Variants in CREB3L1 observed in about 807,000 individuals in gnomAD.
The protein encoded by CREB3L1 is cAMP responsive element binding protein 3 like 1, also known as cyclic AMP-responsive element-binding protein 3-like protein 1.
A neutral mutation model predicts 54.5 loss-of-function variants in CREB3L1; 33 were observed. The observed-to-expected ratio is 0.61, with a 90% CI of 0.46 to 0.81. The LOEUF (loss-of-function observed/expected upper bound fraction) is 0.81. Ranked by LOEUF, CREB3L1 falls within the 30% of genes least tolerant of loss-of-function variation. CREB3L1 has a pLI of 0.00. For synonymous variants in CREB3L1, 284 were observed against 286.4 expected (o/e 0.99, Z 0.08); for missense variants, 656 against 673.3 (o/e 0.97, Z 0.29).
At chr11:46,318,757 CAGG>C (rs1248908371) in intron 10 of CREB3L1, among the ~76,000 whole-genome samples, 2 of 151,932 alleles carry the variant, frequency 1.3e-5, no homozygotes, top group Non-Finnish European at 2.9e-5. Flanking sequence ...TCTGGCAGGA[CAGG>C]AGGAGGAAGA....
At chr11:46,316,421 G>T in intron 9 of CREB3L1, 36 bp downstream of exon 9, 1 of 1,365,246 alleles carries the variant, frequency 7.3e-7, no homozygotes, top group East Asian at 2.5e-5. Context: ...ACCCACAGGA[G>T]GAGAGTTCTT....
intron 2 of CREB3L1, among the ~76,000 whole-genome samples, chr11:46,306,017 G>A (rs111942477): frequency 0.26 from 38,795 of 151,438 alleles, 5,072 homozygotes; most frequent in Middle Eastern, 0.36. Context: ...GATTACAGAC[G>A]TGAGCCACCG....
intron 2 of CREB3L1, among the ~76,000 whole-genome samples, chr11:46,304,847 A>C (rs1272088795): frequency 6.6e-6 from 1 of 152,028 alleles, no homozygotes; most frequent in Non-Finnish European, 1.5e-5. Context: ...ATGAGCCACC[A>C]CACCCAGCTC....
chr11:46,296,878 C>T lies in CREB3L1; in HGVS notation c.103-3057C>T, dbSNP rs1325928939. ...TGCTCACACAATGGGGCCAGCTGAG[C>T]TCTCTAAGCAGTTTCCTGTGGGCAC... On this transcript the variant is annotated intron_variant, in intron 1 of 11. Transcript: ENST00000621158. 2.6e-5 allele frequency among the ~76,000 whole-genome samples: 4 copies of T among 152,162 alleles called. 1 individual carries two copies. Among genetic ancestry groups the T allele is most frequent in the Admixed American group, 2.6e-4 (4 of 15,276 alleles).
At chr11:46,293,268 T>C (rs942607162) in intron 1 of CREB3L1, among the ~76,000 whole-genome samples, 3 of 152,200 alleles carry the variant, frequency 2.0e-5, no homozygotes, top group Non-Finnish European at 4.4e-5. Flanking sequence ...CGTGGGCTGC[T>C]GTGCCCTCGG....
Position 46,321,256 on chromosome 11 carries a change from C to A in CREB3L1, c.*510C>A. The A allele has an allele frequency of 3.4e-6, 1 of 297,684 alleles. No homozygotes were observed. Among genetic ancestry groups the A allele is most frequent in the Non-Finnish European group, 6.6e-6 (1 of 152,256 alleles). The allele number at this position is 297,684 out of a possible 1,614,324, so 18.4% of individuals were successfully genotyped here. ...TTTTATGAAGTTAGTGCGGGCTTTG[C>A]TGCTCCCTGGCCCAGGAAAGAGGGA... On this transcript the variant is annotated 3_prime_UTR_variant, in exon 12 of 12. Coordinates refer to ENST00000621158, the MANE Select transcript of CREB3L1 (RefSeq NM_052854.4).
intron 3 of CREB3L1, 65 bp downstream of exon 3, chr11:46,308,065 G>T (rs1939428839): frequency 7.3e-7 from 1 of 1,370,084 alleles, no homozygotes; most frequent in African/African-American, 1.5e-5. Context: ...TGTGGGAAGA[G>T]GTGCCCAAAG....
chr11:46,306,506 T>TA (rs61418557), intron 2 of CREB3L1, among the ~76,000 whole-genome samples: 5,857 of 126,722 alleles, frequency 0.046, 314 homozygotes, highest in African/African-American at 0.15. Flanking sequence ...CCTGTCTCAA[T>TA]AAAAAAAAAA....
rs889623733 is a variant in CREB3L1 at position 46,278,970 on chromosome 11, G to A, written c.102+757G>A. Among the ~76,000 whole-genome samples the A allele has an allele frequency of 6.6e-5, 10 of 152,066 alleles. No individual in the cohort carries two copies. The highest frequency in any genetic ancestry group is 6.5e-4 in the Admixed American group (10 of 15,274). ...TCTTCCCCTCCCTCCCTAAGGAAAC[G>A]TGGCTTCTCTCTCTTCTTCCCTCCC... On this transcript the variant is annotated intron_variant, in intron 1 of 11. Transcript: ENST00000621158. This position sits in a 1 kb window ranked among gnomAD's most constrained non-coding sequence, Gnocchi z 4.2.
At chr11:46,294,225 C>T (rs1009603362) in intron 1 of CREB3L1, among the ~76,000 whole-genome samples, 1 of 152,068 alleles carries the variant, frequency 6.6e-6, no homozygotes, top group African/African-American at 2.4e-5. Flanking sequence ...CTTCAGCAGC[C>T]GCCTTCCCTA....
At chr11:46,297,655 G>A (rs1939232865) in intron 1 of CREB3L1, among the ~76,000 whole-genome samples, 1 of 152,250 alleles carries the variant, frequency 6.6e-6, no homozygotes, top group Admixed American at 6.5e-5. Context: ...TGGGTTAAAA[G>A]CACAACAGAA....
Position 46,299,955 on chromosome 11 carries a change from C to A in CREB3L1, c.123C>A (p.Asp41Glu). The A allele has an allele frequency of 6.2e-7, 1 of 1,613,900 alleles. No individual in the cohort carries two copies. Among genetic ancestry groups the A allele is most frequent in the Non-Finnish European group, 8.5e-7 (1 of 1,179,796 alleles). The change falls in exon 2 of 12, where the codon GAC becomes GAA. Residue 41 changes from aspartate (D) to glutamate (E), a missense_variant. By Grantham distance (45) the Asp-to-Glu change is conservative. This residue lies in a region of CREB3L1 where 339 missense variants were observed against 331.5 expected (regional missense o/e 1.02). Transcript: ENST00000621158. Reference protein sequence around the residue: ...LNNAHFPEHLDHFTENMEDFS... With the variant: ...LNNAHFPEHLEHFTENMEDFS... The stretch of plus-strand genomic sequence containing the variant: ...CCTAGCACTTTCCTGAGCACCTGGA[C>A]CACTTTACGGAGAACATGGAGGACT...
At chr11:46,307,139 A>G (rs1472057991) in intron 2 of CREB3L1, among the ~76,000 whole-genome samples, 2 of 152,172 alleles carry the variant, frequency 1.3e-5, no homozygotes, top group African/African-American at 4.8e-5. Context: ...TTGGCCTGTC[A>G]AAGAACTGGA....
intron 4 of CREB3L1, among the ~76,000 whole-genome samples, chr11:46,310,303 T>C (rs1939464888): frequency 6.6e-6 from 1 of 152,070 alleles, no homozygotes; most frequent in Non-Finnish European, 1.5e-5. Context: ...AGTCTCACTC[T>C]GTCACCCAGG....
chr11:46,282,665 C>A (rs1031036004), intron 1 of CREB3L1, among the ~76,000 whole-genome samples: 1 of 152,138 alleles, frequency 6.6e-6, no homozygotes, highest in African/African-American at 2.4e-5. Flanking sequence ...AAGTGGGACC[C>A]CCCTGTTCTT....
intron 1 of CREB3L1, among the ~76,000 whole-genome samples, chr11:46,285,150 T>C (rs1187719190): frequency 6.6e-6 from 1 of 152,164 alleles, no homozygotes; most frequent in African/African-American, 2.4e-5. Context: ...CCCTGTTTTG[T>C]GTCTTCTCCC....
chr11:46,301,620 G>A (rs1044340083), intron 2 of CREB3L1, among the ~76,000 whole-genome samples: 28 of 150,562 alleles, frequency 1.9e-4, no homozygotes, highest in Non-Finnish European at 3.5e-4. Flanking sequence ...CCAAGATTGC[G>A]CCATTGCAAT....
chr11:46,289,287 G>A (rs1939100680), intron 1 of CREB3L1, among the ~76,000 whole-genome samples: 1 of 152,170 alleles, frequency 6.6e-6, no homozygotes, highest in African/African-American at 2.4e-5. Context: ...GCTGAGGCAG[G>A]AGAATCACTT....
chr11:46,287,614 G>C (rs1213398593), intron 1 of CREB3L1, among the ~76,000 whole-genome samples: 2 of 151,996 alleles, frequency 1.3e-5, no homozygotes, highest in Non-Finnish European at 2.9e-5. Context: ...TTTAATTTTT[G>C]TGGGTACATA....
Sources: gnomAD v4.1 joint callset for allele counts (sites outside exome capture counted in the v4.1 genomes callset) on GRCh38, gnomAD v4.1.1 for gene constraint, gnomAD v4.1.1 regional missense constraint, Gnocchi (gnomAD v3.1) non-coding constraint, MANE v1.5 for transcripts, NCBI Gene and HGNC (gene_info 2026-07-23, HGNC 2026-07-21) for gene names.